Variants in SVEP1 observed in about 807,000 individuals in gnomAD.
SVEP1 encodes the protein sushi, von Willebrand factor type A, EGF and pentraxin domain-containing protein 1.
Under a neutral mutation model 367.3 loss-of-function variants are expected in SVEP1, and 164 were observed. The ratio of observed to expected loss-of-function variants is 0.45; its 90% confidence interval spans 0.39 to 0.51. The LOEUF is 0.51. SVEP1 is among the 20% of genes least tolerant of loss of function. The pLI, the probability that SVEP1 is intolerant of heterozygous loss-of-function variation, is 0.00. For synonymous variants in SVEP1, 1,666 were observed against 1,611.6 expected (o/e 1.03, Z -0.81); for missense variants, 4,117 against 4,425.3 (o/e 0.93, Z 1.98).
At position 110,546,297 on chromosome 9, in the gene SVEP1, A is replaced by G; in HGVS notation, c.788-6T>C. Reference sequence around the variant, plus strand: ...AAAACTCCCAGAAGGTAGATCTACAAATAACATATGACAGAGGGCGATAAA... The same window carrying G: ...AAAACTCCCAGAAGGTAGATCTACAGATAACATATGACAGAGGGCGATAAA... On this transcript the variant is annotated splice_region_variant and splice_polypyrimidine_tract_variant and intron_variant, in intron 2 of 47. Coordinates refer to ENST00000374469, the MANE Select transcript of SVEP1 (RefSeq NM_153366.4). 1 of 1,580,362 alleles carries G rather than the reference A, an allele frequency of 6.3e-7. No homozygotes were observed. Among genetic ancestry groups the G allele is most frequent in the Non-Finnish European group, 8.6e-7 (1 of 1,162,238 alleles).
In SVEP1 at chr9:110,511,550, T is replaced by C. The variant is rs200428066; in HGVS notation, c.1303+1376A>G. 9.7e-5 allele frequency among the ~76,000 whole-genome samples: 14 copies of C among 144,432 alleles called. No individual in the cohort carries two copies. In the East Asian group the frequency reaches 3.0e-3, roughly 31 times the overall value. The allele number at this position is 144,432 out of a possible 152,430, so 94.8% of individuals were successfully genotyped here. A position where few individuals can be genotyped will look rare whatever the true frequency, so the allele number is the denominator to read the frequency against. On this transcript the variant is annotated intron_variant, in intron 5 of 47. Transcript: ENST00000374469. ...TTACTTCTAATACATATTTTTCCTCTCAAATTTCTTTCATTGCTTGGAATC... is the reference window on the plus strand; with the variant it reads ...TTACTTCTAATACATATTTTTCCTCCCAAATTTCTTTCATTGCTTGGAATC...
intron 1 of SVEP1, among the ~76,000 whole-genome samples, chr9:110,552,123 C>T (rs1320047022): frequency 4.6e-5 from 7 of 150,858 alleles, no homozygotes; most frequent in Admixed American, 4.0e-4. Flanking sequence ...CCTCCGCCTC[C>T]CAGGTTCAAG....
intron 45 of SVEP1, among the ~76,000 whole-genome samples, chr9:110,375,683 T>C (rs1827341744): frequency 6.6e-6 from 1 of 152,198 alleles, no homozygotes. Context: ...TAGCCACATG[T>C]AATGACTTTA....
At chr9:110,382,190 CA>C (rs1827449056) in intron 43 of SVEP1, among the ~76,000 whole-genome samples, 1 of 151,576 alleles carries the variant, frequency 6.6e-6, no homozygotes, top group Non-Finnish European at 1.5e-5. Context: ...CTTTGTACTT[CA>C]GGGTGTTTTT....
Position 110,406,810 on chromosome 9 carries a change from G to A in SVEP1, c.8790C>T (p.Thr2930=). The A allele has an allele frequency of 6.2e-7, 1 of 1,614,028 alleles. No homozygotes were observed. The highest frequency in any genetic ancestry group is 8.5e-7 in the Non-Finnish European group (1 of 1,179,890). The part of the protein sequence containing the change: ...GYILHGAPKL[T]CQSDGNWDAE... Reference sequence around the variant, plus strand: ...CATCCCAGTTGCCATCTGACTGACAGGTGAGTTTTGGAGCACCGTGCAAGA... The same window carrying A: ...CATCCCAGTTGCCATCTGACTGACAAGTGAGTTTTGGAGCACCGTGCAAGA... Residue 2930 remains threonine, a synonymous_variant, in exon 38 of 48, where the codon ACC becomes ACT. Coordinates refer to ENST00000374469, the MANE Select transcript of SVEP1 (RefSeq NM_153366.4).
intron 40 of SVEP1, among the ~76,000 whole-genome samples, chr9:110,390,206 TGTATATA>T (rs1827619979): frequency 9.3e-6 from 1 of 108,108 alleles, no homozygotes; most frequent in Non-Finnish European, 1.9e-5. Flanking sequence ...TAAGTATGTA[TGTATATA>T]CTTGTATATA....
intron 39 of SVEP1, 109 bp downstream of exon 39, chr9:110,404,218 G>T: frequency 9.1e-7 from 1 of 1,097,384 alleles, no homozygotes; most frequent in Non-Finnish European, 1.3e-6. Flanking sequence ...TGAAATGAGT[G>T]AAAACTTCAG....
At chr9:110,477,114 A>G (rs1829107914) in intron 13 of SVEP1, among the ~76,000 whole-genome samples, 1 of 151,986 alleles carries the variant, frequency 6.6e-6, no homozygotes, top group Admixed American at 6.6e-5. Flanking sequence ...TCTCTCTTGT[A>G]TTCCAGCCTT....
At chr9:110,424,811 A>G (rs930327515) in intron 36 of SVEP1, among the ~76,000 whole-genome samples, 6 of 152,116 alleles carry the variant, frequency 3.9e-5, no homozygotes, top group Admixed American at 2.6e-4. Flanking sequence ...AGTAGCTGGG[A>G]TTATAGGCAT....
chr9:110,384,552 T>G (rs1423040592), intron 43 of SVEP1, among the ~76,000 whole-genome samples: 2 of 150,954 alleles, frequency 1.3e-5, no homozygotes, highest in East Asian at 1.9e-4. Context: ...TGGGCTGTTG[T>G]GTATATCTTC....
At chr9:110,511,147 C>T (rs1829704634) in intron 5 of SVEP1, among the ~76,000 whole-genome samples, 1 of 152,168 alleles carries the variant, frequency 6.6e-6, no homozygotes, top group African/African-American at 2.4e-5. Flanking sequence ...AGAAAATTCA[C>T]TAAGATTATT....
In SVEP1 at chr9:110,416,082, G is replaced by T. The variant is rs1051686530; in HGVS notation, c.5976-4347C>A. On this transcript the variant is annotated intron_variant, in intron 36 of 47. Transcript: ENST00000374469. The stretch of plus-strand genomic sequence containing the variant: ...AATCTACATACTCAGAAAATAAGGG[G>T]TTACCATAGATAAAACAAGCCCTGT... Among the ~76,000 whole-genome samples the T allele has an allele frequency of 6.6e-5, 10 of 151,810 alleles. 1 individual carries two copies. The highest frequency in any genetic ancestry group is 2.4e-4 in the African/African-American group (10 of 41,174).
At chr9:110,453,877 C>A (rs1047031969) in intron 22 of SVEP1, among the ~76,000 whole-genome samples, 14 of 57,964 alleles carry the variant, frequency 2.4e-4, no homozygotes, top group Admixed American at 1.7e-3. Flanking sequence ...TCAAAAAATA[C>A]AAAAATTAAA....
chr9:110,570,970 C>CTTTTTTTTTTTTTTTTTTTT (rs374900472), intron 1 of SVEP1, among the ~76,000 whole-genome samples: 1 of 114,928 alleles, frequency 8.7e-6, no homozygotes, highest in Non-Finnish European at 1.8e-5. Context: ...CAGATGGCTC[C>CTTTTTTTTTTTTTTTTTTTT]TTTTTTTTTT....
At chr9:110,508,908 A>G (rs773201121) in intron 5 of SVEP1, among the ~76,000 whole-genome samples, 1 of 152,188 alleles carries the variant, frequency 6.6e-6, no homozygotes, top group Non-Finnish European at 1.5e-5. Flanking sequence ...AACATTAACA[A>G]TGTAACATGA....
chr9:110,510,731 A>T (rs764157700), intron 5 of SVEP1, among the ~76,000 whole-genome samples: 14 of 152,226 alleles, frequency 9.2e-5, no homozygotes, highest in Non-Finnish European at 1.6e-4. Flanking sequence ...TTGGAAGGCT[A>T]CTGAGTGGCA....
intron 46 of SVEP1, among the ~76,000 whole-genome samples, chr9:110,374,101 G>A (rs1827315796): frequency 1.3e-5 from 2 of 151,994 alleles, no homozygotes; most frequent in Admixed American, 6.6e-5. Context: ...CATCACTCAG[G>A]TACTAAGCCT....
At chr9:110,565,743 G>A (rs150660663) in intron 1 of SVEP1, among the ~76,000 whole-genome samples, 2 of 151,954 alleles carry the variant, frequency 1.3e-5, no homozygotes, top group Non-Finnish European at 2.9e-5. Context: ...CCTGCCTTCC[G>A]CTTGGTCATG....
At chr9:110,370,748 AT>A (rs1827262422) in intron 46 of SVEP1, among the ~76,000 whole-genome samples, 1 of 152,180 alleles carries the variant, frequency 6.6e-6, no homozygotes, top group Admixed American at 6.5e-5. Context: ...AGATGCTGGT[AT>A]TTGGTCTAGA....
Sources: gnomAD v4.1 joint callset for allele counts (sites outside exome capture counted in the v4.1 genomes callset) on GRCh38, gnomAD v4.1.1 for gene constraint, MANE v1.5 for transcripts, NCBI Gene and HGNC (gene_info 2026-07-23, HGNC 2026-07-21) for gene names.